Variants in CD151 observed in about 807,000 individuals in gnomAD.
CD151 encodes the protein CD151 molecule (Raph blood group), also known as CD151 antigen.
A neutral mutation model predicts 34.2 loss-of-function variants in CD151; 20 were observed. The ratio of observed to expected loss-of-function variants is 0.58; its 90% confidence interval spans 0.41 to 0.85. The LOEUF is 0.85. Ranked by LOEUF, CD151 falls within the 40% of genes least tolerant of loss-of-function variation. The pLI, the probability that CD151 is intolerant of heterozygous loss-of-function variation, is 0.00. For synonymous variants in CD151, 157 were observed against 131.7 expected, an observed-to-expected ratio of 1.19 and a Z score of -1.32; for missense variants, 306 against 324.5, an observed-to-expected ratio of 0.94 and a Z score of 0.44.
At chr11:837,665 G>T in intron 7 of CD151, 47 bp downstream of exon 7, 3 of 1,582,540 alleles carry the variant, frequency 1.9e-6, no homozygotes, top group South Asian at 1.1e-5. Context: ...GAGGTGGTGG[G>T]GGGGCACCCC....
At position 835,604 on chromosome 11, in the gene CD151, A is replaced by C. The variant is rs187770937; in HGVS notation, c.-7-459A>C. 788 of 157,420 alleles carry C rather than the reference A, an allele frequency of 5.0e-3. 4 individuals carry two copies. Among genetic ancestry groups the C allele is most frequent in the African/African-American group, 0.017 (724 of 41,564 alleles). The allele number at this position is 157,420 out of a possible 1,614,324, so 9.8% of individuals were successfully genotyped here. A position where few individuals can be genotyped will look rare whatever the true frequency, so the allele number is the denominator to read the frequency against. On this transcript the variant is annotated intron_variant, in intron 2 of 8. Transcript: ENST00000397420. Reference sequence around the variant, plus strand: ...GATTGCACCTGCCTTGGCCTCCCAAAGTGCTGGCATTATAGGCATGAGACA... The same window carrying C: ...GATTGCACCTGCCTTGGCCTCCCAACGTGCTGGCATTATAGGCATGAGACA...
chr11:838,735 C>CA lies in CD151; in HGVS notation c.*543_*544insA. The CA allele has an allele frequency of 1.2e-5, 2 of 171,954 alleles. No individual in the cohort carries two copies. The highest frequency in any genetic ancestry group is 2.5e-5 in the Non-Finnish European group (2 of 78,776). The allele number at this position is 171,954 out of a possible 1,614,324, so 10.7% of individuals were successfully genotyped here. ...GCACTGCCCTGTTCATGTGCCTCTG[C>CA]GGGGCAGGGCCTTCCTGGTTTTGTT... On this transcript the variant is annotated 3_prime_UTR_variant, in exon 9 of 9. Coordinates refer to ENST00000397420, the MANE Select transcript of CD151 (RefSeq NM_004357.5).
At chr11:836,939 C>G in intron 5 of CD151, 96 bp downstream of exon 5, 2 of 1,056,722 alleles carry the variant, frequency 1.9e-6, no homozygotes, top group South Asian at 2.7e-5. Flanking sequence ...AACCCCCACC[C>G]CCATGGTCCC....
At chr11:833,070 G>GGCGAGGGGC (rs1846574275) in intron 1 of CD151, 44 bp downstream of exon 1, 1 of 130,386 alleles carries the variant, frequency 7.7e-6, no homozygotes, top group South Asian at 2.3e-4. Flanking sequence ...GGGCGAGCGG[G>GGCGAGGGGC]GCGAGGGGGG....
chr11:836,519 T>G, intron 4 of CD151, 77 bp downstream of exon 4: 3 of 1,062,702 alleles, frequency 2.8e-6, no homozygotes, highest in Non-Finnish European at 4.0e-6. Context: ...GCTTTGAACC[T>G]GTGCCTTGCT....
chr11:837,660 G>T (rs754325918), intron 7 of CD151, 42 bp downstream of exon 7: 13 of 1,501,546 alleles, frequency 8.7e-6, no homozygotes, highest in Admixed American at 3.9e-5. Context: ...TCTACGAGGT[G>T]GTGGGGGGGC....
chr11:836,731 G>T, intron 4 of CD151, 38 bp from the exon 5 acceptor site: 1 of 1,584,884 alleles, frequency 6.3e-7, no homozygotes, highest in Non-Finnish European at 8.7e-7. Context: ...TAGGCACTAG[G>T]CCTCAGAACA....
intron 5 of CD151, 90 bp from the exon 6 acceptor site, chr11:837,160 G>T: frequency 9.2e-7 from 1 of 1,083,114 alleles, no homozygotes; most frequent in South Asian, 1.3e-5. Context: ...GCTGGGCCCC[G>T]GGCCTCCCCA....
At chr11:836,674 A>G (rs1342949590) in intron 4 of CD151, 95 bp from the exon 5 acceptor site, 1 of 1,239,594 alleles carries the variant, frequency 8.1e-7, no homozygotes, top group African/African-American at 1.5e-5. Flanking sequence ...CCCCACCTGG[A>G]GCCTGGGGAG....
chr11:833,697 G>A (rs1846630865), intron 1 of CD151, among the ~76,000 whole-genome samples: 1 of 151,012 alleles, frequency 6.6e-6, no homozygotes, highest in Non-Finnish European at 1.5e-5. Context: ...CTGTGTCCTC[G>A]CGGTGGAGGA....
At chr11:838,094 C>T (rs1846848302) in intron 8 of CD151, 39 bp from the exon 9 acceptor site, 2 of 1,608,868 alleles carry the variant, frequency 1.2e-6, no homozygotes, top group Non-Finnish European at 1.7e-6. Flanking sequence ...GCTGGTGGCC[C>T]CATGACGTCT....
rs776663637 is a variant in CD151, at chr11:836,234, T to G, written c.85-17T>G. The G allele has an allele frequency of 6.4e-7, 1 of 1,566,996 alleles. No individual in the cohort carries two copies. Among genetic ancestry groups the G allele is most frequent in the Non-Finnish European group, 8.7e-7 (1 of 1,151,706 alleles). The stretch of plus-strand genomic sequence containing the variant: ...CAGACCTGGGCAGATGCGATGACCT[T>G]TGTGTACTGCTTGTAGCTGGCTGGC... On this transcript the variant is annotated splice_polypyrimidine_tract_variant and intron_variant, in intron 3 of 8. Coordinates refer to ENST00000397420, the MANE Select transcript of CD151 (RefSeq NM_004357.5).
In CD151 at chr11:836,355, C is replaced by T. The variant is rs761070004; in HGVS notation, c.189C>T (p.Ile63=). The T allele has an allele frequency of 2.1e-5, 34 of 1,612,494 alleles. 1 individual carries two copies. The South Asian group carries it at 3.0e-4, about 14-fold the overall frequency. Residue 63 remains isoleucine (I), a synonymous_variant, in exon 4 of 9, where the codon ATC becomes ATT. Transcript: ENST00000397420. ...ASGTYLATAY[I]LVVAGTVVMV... ...GCACCTACCTGGCCACAGCCTACATCCTGGTGGTGGCGGGCACTGTCGTCA... is the reference window on the plus strand; with the variant it reads ...GCACCTACCTGGCCACAGCCTACATTCTGGTGGTGGCGGGCACTGTCGTCA...
At position 835,861 on chromosome 11, in the gene CD151, G is replaced by C. The variant is rs962137111; in HGVS notation, c.-7-202G>C. The C allele has an allele frequency of 3.8e-5, 20 of 521,582 alleles. No individual in the cohort carries two copies. In the East Asian group the frequency reaches 5.4e-4, roughly 14 times the overall value. The allele number at this position is 521,582 out of a possible 1,614,324, so 32.3% of individuals were successfully genotyped here. A position where few individuals can be genotyped will look rare whatever the true frequency, so the allele number is the denominator to read the frequency against. On this transcript the variant is annotated intron_variant, in intron 2 of 8. Transcript: ENST00000397420. ...CGCCACCACGCCCGGCTAATTTTTT[G>C]TATTTCTAGTACAGACGGGGTTTCA...
intron 1 of CD151, among the ~76,000 whole-genome samples, chr11:833,474 C>T (rs1337345928): frequency 6.6e-6 from 1 of 152,234 alleles, no homozygotes; most frequent in African/African-American, 2.4e-5. Flanking sequence ...CGGCGGTGAC[C>T]TCATTGCAGT....
In CD151 at chr11:837,927, A is replaced by G. The variant is rs771177871; in HGVS notation, c.616-15A>G. 6.2e-7 allele frequency: 1 copy of G among 1,604,970 alleles called. No homozygotes were observed. The highest frequency in any genetic ancestry group is 1.1e-5 in the South Asian group (1 of 90,334). ...CCCCCTGGGCCCGCCTTCAACACCC[A>G]TCCGCGCCCCGCAGGGCGGCTGCAT... On this transcript the variant is annotated splice_polypyrimidine_tract_variant and intron_variant, in intron 7 of 8. Transcript: ENST00000397420.
At chr11:835,472 G>A (rs1208649554) in intron 2 of CD151, 2 of 151,218 alleles carry the variant, frequency 1.3e-5, no homozygotes, top group African/African-American at 4.9e-5. Flanking sequence ...CCAAGTAGCT[G>A]GGACCACAGG....
At chr11:834,681 AGCT>A (rs34705305) in intron 2 of CD151, 90 bp downstream of exon 2, 103,658 of 152,054 alleles carry the variant, frequency 0.68, 35,671 homozygotes, top group East Asian at 0.86. Context: ...CAGGGCGCTC[AGCT>A]GCTGTCTGCA....
intron 7 of CD151, 37 bp downstream of exon 7, chr11:837,655 G>C (rs760954692): frequency 2.0e-6 from 3 of 1,535,916 alleles, no homozygotes; most frequent in African/African-American, 3.2e-5. Flanking sequence ...CAGTGTCTAC[G>C]AGGTGGTGGG....
Sources: gnomAD v4.1 joint callset for allele counts (sites outside exome capture counted in the v4.1 genomes callset) on GRCh38, gnomAD v4.1.1 for gene constraint, MANE v1.5 for transcripts, NCBI Gene and HGNC (gene_info 2026-07-23, HGNC 2026-07-21) for gene names.